Variants in PDE4D observed in about 807,000 individuals in gnomAD.
PDE4D encodes 3',5'-cyclic-AMP phosphodiesterase 4D.
In PDE4D, 24 loss-of-function variants were observed where a neutral mutation model predicts 87.4. That is an observed-to-expected ratio of 0.27 (90% CI 0.20 to 0.39). The LOEUF is 0.39. Among genes scored for constraint, PDE4D ranks in the 10% least tolerant of loss-of-function variants. The pLI is 1.00. For synonymous variants in PDE4D, 384 were observed against 383.2 expected (o/e 1.00, Z -0.02); for missense variants, 714 against 1,041.0 (o/e 0.69, Z 4.32).
At chr5:60,274,406 T>G (rs968028404) in intron 1 of PDE4D, among the ~76,000 whole-genome samples, 11 of 151,978 alleles carry the variant, frequency 7.2e-5, no homozygotes, top group Non-Finnish European at 1.3e-4. Context: ...CAGGCTGGAG[T>G]GCAGAGTGCA....
chr5:59,557,744 A>G (rs753641659), intron 1 of PDE4D, among the ~76,000 whole-genome samples: 41 of 152,228 alleles, frequency 2.7e-4, no homozygotes, highest in Non-Finnish European at 5.3e-4. Context: ...GTGGAAATAC[A>G]GAAAATAAAT....
At chr5:59,243,349 A>G (rs1758062309) in intron 1 of PDE4D, among the ~76,000 whole-genome samples, 1 of 151,936 alleles carries the variant, frequency 6.6e-6, no homozygotes, top group Non-Finnish European at 1.5e-5. Flanking sequence ...GTCGGACTAG[A>G]CAAAATTTTA....
chr5:59,351,171 G>A (rs1308629746), intron 1 of PDE4D, among the ~76,000 whole-genome samples: 2 of 152,132 alleles, frequency 1.3e-5, no homozygotes, highest in Non-Finnish European at 2.9e-5. Flanking sequence ...TTATGAAGTA[G>A]ATATTTTAAT....
intron 1 of PDE4D, among the ~76,000 whole-genome samples, chr5:60,398,316 G>T (rs1763030630): frequency 6.6e-6 from 1 of 152,180 alleles, no homozygotes. Context: ...GAGCTATAAT[G>T]ATGGTGGTAA....
chr5:60,276,027 G>A (rs1434660784), intron 1 of PDE4D, among the ~76,000 whole-genome samples: 1 of 152,114 alleles, frequency 6.6e-6, no homozygotes, highest in African/African-American at 2.4e-5. Flanking sequence ...TTTGAAATTG[G>A]TTGAGGTTCT....
At chr5:58,986,061 A>G (rs911623558) in intron 11 of PDE4D, among the ~76,000 whole-genome samples, 2 of 152,338 alleles carry the variant, frequency 1.3e-5, no homozygotes, top group African/African-American at 4.8e-5. Context: ...AACTTTAGCA[A>G]TCCAAAGCTA....
At chr5:60,323,616 A>C (rs747594318) in intron 1 of PDE4D, among the ~76,000 whole-genome samples, 1 of 152,140 alleles carries the variant, frequency 6.6e-6, no homozygotes, top group Non-Finnish European at 1.5e-5. Flanking sequence ...GAGCTGTCTA[A>C]ATAACAAATA....
intron 1 of PDE4D, among the ~76,000 whole-genome samples, chr5:59,891,806 C>CACACA (rs1244604461): frequency 2.6e-5 from 4 of 151,938 alleles, no homozygotes; most frequent in Admixed American, 2.6e-4. Flanking sequence ...CACACACACA[C>CACACA]AAAACTCAAA....
intron 1 of PDE4D, among the ~76,000 whole-genome samples, chr5:59,649,930 T>TTTTTTTTTTTTTTTTTTTTTTTTTTC (rs1580152373): frequency 7.1e-6 from 1 of 140,916 alleles, no homozygotes. Context: ...TTTTTTTTTT[T>TTTTTTTTTTTTTTTTTTTTTTTTTTC]TTAGCAATGA....
intron 1 of PDE4D, among the ~76,000 whole-genome samples, chr5:59,375,260 GA>G (rs982475680): frequency 2.0e-5 from 3 of 151,308 alleles, no homozygotes; most frequent in African/African-American, 7.3e-5. Flanking sequence ...TTCTTTTTTT[GA>G]AAAAATTAAT....
At chr5:60,330,180 T>A (rs1364153993) in intron 1 of PDE4D, among the ~76,000 whole-genome samples, 1 of 150,774 alleles carries the variant, frequency 6.6e-6, no homozygotes, top group Non-Finnish European at 1.5e-5. Flanking sequence ...ATGCTAGAAC[T>A]TTTTTGAAAA....
chr5:59,380,414 AAAGAAGT>A (rs1785563401), intron 1 of PDE4D, among the ~76,000 whole-genome samples: 1 of 150,474 alleles, frequency 6.6e-6, no homozygotes, highest in African/African-American at 2.4e-5. Context: ...AAAGAGAGAG[AAAGAAGT>A]GAGAAAGAAG....
chr5:59,691,599 T>C (rs1261935847), intron 1 of PDE4D, among the ~76,000 whole-genome samples: 4 of 150,108 alleles, frequency 2.7e-5, no homozygotes, highest in African/African-American at 7.3e-5. Flanking sequence ...AGGGATAGCA[T>C]TAGTAGATAT....
At chr5:60,011,355 G>C (rs893965741) in intron 2 of PDE4D, among the ~76,000 whole-genome samples, 1 of 152,022 alleles carries the variant, frequency 6.6e-6, no homozygotes, top group Non-Finnish European at 1.5e-5. Flanking sequence ...GCAGGATTTA[G>C]CCTGTGGCAG....
intron 1 of PDE4D, among the ~76,000 whole-genome samples, chr5:59,473,579 TC>T (rs1436570554): frequency 6.6e-6 from 1 of 152,110 alleles, no homozygotes; most frequent in Non-Finnish European, 1.5e-5. Context: ...GGCTACCATC[TC>T]AAAATGCCTT....
intron 1 of PDE4D, among the ~76,000 whole-genome samples, chr5:59,461,277 C>T (rs1460737869): frequency 6.6e-6 from 1 of 151,660 alleles, no homozygotes; most frequent in African/African-American, 2.4e-5. Context: ...AATATGTATA[C>T]AAAAACTCTT....
intron 1 of PDE4D, among the ~76,000 whole-genome samples, chr5:60,245,480 C>G (rs1376832483): frequency 1.3e-5 from 2 of 152,016 alleles, no homozygotes; most frequent in Admixed American, 6.6e-5. Context: ...GATATCTACA[C>G]TCCCGTGTTT....
At chr5:59,563,331 A>G (rs1385146911) in intron 1 of PDE4D, among the ~76,000 whole-genome samples, 1 of 152,268 alleles carries the variant, frequency 6.6e-6, no homozygotes, top group Non-Finnish European at 1.5e-5. Context: ...AGCAGGACTC[A>G]TTGATAGAAA....
intron 1 of PDE4D, among the ~76,000 whole-genome samples, chr5:59,557,783 T>A (rs528949550): frequency 2.6e-5 from 4 of 152,130 alleles, no homozygotes; most frequent in African/African-American, 9.6e-5. Flanking sequence ...TAAACATGAA[T>A]CAGCATTCCT....
Sources: allele counts gnomAD v4.1 joint callset (sites outside exome capture counted in the v4.1 genomes callset), GRCh38; gene constraint gnomAD v4.1.1; transcripts MANE v1.5; gene names NCBI Gene and HGNC (gene_info 2026-07-23, HGNC 2026-07-21).